Variants in MAMDC4 observed in about 807,000 individuals in gnomAD.
MAMDC4 encodes apical endosomal glycoprotein.
MAMDC4 carries 168 observed loss-of-function variants against 153.3 expected under a neutral mutation model. The ratio of observed to expected loss-of-function variants is 1.10; its 90% CI spans 0.97 to 1.25. MAMDC4 has a LOEUF of 1.25. Among genes scored for constraint, MAMDC4 ranks in the 50% most tolerant of loss-of-function variants. The pLI is 0.00. For synonymous variants in MAMDC4, 744 were observed against 651.5 expected (o/e 1.14, Z -2.16); for missense variants, 1,701 against 1,542.8 (o/e 1.10, Z -1.72).
intron 1 of MAMDC4, among the ~76,000 whole-genome samples, 181 bp from the exon 2 acceptor site, chr9:136,852,921 G>A (rs1435789443): frequency 2.0e-5 from 3 of 152,226 alleles, no homozygotes; most frequent in Non-Finnish European, 4.4e-5. Flanking sequence ...GGAACGTGCT[G>A]TGCTTGGTCC....
At chr9:136,859,535 C>G (rs1849056747) in intron 25 of MAMDC4, 1 of 600,254 alleles carries the variant, frequency 1.7e-6, no homozygotes, top group Non-Finnish European at 2.9e-6. Flanking sequence ...GGGGTGCAGC[C>G]TCTGGGGCCT....
intron 6 of MAMDC4, 21 bp from the exon 7 acceptor site, chr9:136,854,190 G>A (rs757454948): frequency 2.5e-6 from 4 of 1,611,824 alleles, no homozygotes; most frequent in African/African-American, 2.7e-5. Flanking sequence ...CTCGGTGAAG[G>A]GTTAACCCTG....
chr9:136,859,212 G>A lies in MAMDC4; in HGVS notation c.3088G>A (p.Val1030Met), dbSNP rs777845357. 20 of 1,610,742 alleles carry A rather than the reference G, an allele frequency of 1.2e-5. No individual in the cohort carries two copies. The highest frequency in any genetic ancestry group is 4.4e-5 in the South Asian group (4 of 90,834). Residue 1030 changes from valine to methionine, a missense_variant, in exon 25 of 27, where the codon GTG (valine) becomes ATG (methionine). Physicochemically the swap from Val to Met is conservative, Grantham distance 21 (BLOSUM62 1). Transcript: ENST00000317446. Reference sequence around the variant, plus strand: ...AACTCCTTTCCTTCTCCATCAGATCGTGTTTGAAGCCACTCTGGGCGGCCA... The same window carrying A: ...AACTCCTTTCCTTCTCCATCAGATCATGTTTGAAGCCACTCTGGGCGGCCA... ...EVASAKEFQI[V>M]FEATLGGQPA...
chr9:136,857,188 C>G lies in MAMDC4; in HGVS notation c.1996C>G (p.Arg666Gly). The G allele has an allele frequency of 6.2e-7, 1 of 1,612,346 alleles. No homozygotes were observed. The highest frequency in any genetic ancestry group is 8.5e-7 in the Non-Finnish European group (1 of 1,179,794). Residue 666 changes from arginine to glycine, a missense_variant, in exon 17 of 27, where the codon CGG becomes GGG. Arg to Gly is a moderately radical substitution (Grantham distance 125). Coordinates refer to ENST00000317446, the MANE Select transcript of MAMDC4 (RefSeq NM_206920.3). Reference sequence around the variant, plus strand: ...AGGGACTCTGCGCCTAGCCATGAGACGGGAAGGGGAGGAGACACACCTGTG... The same window carrying G: ...AGGGACTCTGCGCCTAGCCATGAGAGGGGAAGGGGAGGAGACACACCTGTG... Reference protein sequence around the residue: ...QIGTLRLAMRREGEETHLWSR... With the variant: ...QIGTLRLAMRGEGEETHLWSR...
At chr9:136,854,878 C>A (rs772344306) in intron 9 of MAMDC4, 28 bp downstream of exon 9, 1 of 1,612,696 alleles carries the variant, frequency 6.2e-7, no homozygotes, top group South Asian at 1.1e-5. Flanking sequence ...CACAGGGCCT[C>A]CCTGCTCTCC....
rs1848964069 is a variant in MAMDC4, at chr9:136,853,879, C to T, written c.557C>T (p.Thr186Ile). 1 of 1,612,536 alleles carries T rather than the reference C, an allele frequency of 6.2e-7. No homozygotes were observed. Among genetic ancestry groups the T allele is most frequent in the Non-Finnish European group, 8.5e-7 (1 of 1,179,852 alleles). ...WGPGWQELAV[T>I]TGRIRGDFRV... is the part of the protein sequence containing the mutation. ...CCTGGCTGGCAGGAGTTGGCAGTGACCACAGGCCGCATCCGGGGTGACTTC... is the reference window on the plus strand; with the variant it reads ...CCTGGCTGGCAGGAGTTGGCAGTGATCACAGGCCGCATCCGGGGTGACTTC... Residue 186 changes from threonine (T) to isoleucine (I), a missense_variant, in exon 5 of 27, where the codon ACC (threonine) becomes ATC (isoleucine). Transcript: ENST00000317446.
At chr9:136,854,388 T>TG (rs747513255) in intron 7 of MAMDC4, 52 bp downstream of exon 7, 29 of 1,495,080 alleles carry the variant, frequency 1.9e-5, no homozygotes, top group Non-Finnish European at 2.6e-5. Flanking sequence ...GACGCCTCGG[T>TG]GGGGGCCCTG....
chr9:136,856,307 C>T (rs1849003145), intron 14 of MAMDC4, 158 bp downstream of exon 14: 1 of 1,222,458 alleles, frequency 8.2e-7, no homozygotes, highest in Non-Finnish European at 1.2e-6. Flanking sequence ...GCTGGCATGG[C>T]AGGCCCTGAG....
At chr9:136,854,155 C>T (rs901586224) in intron 6 of MAMDC4, 56 bp from the exon 7 acceptor site, 11 of 1,611,348 alleles carry the variant, frequency 6.8e-6, no homozygotes, top group Non-Finnish European at 8.5e-6. Context: ...CTGTCTGCCC[C>T]CGAGTGCTCT....
rs1477169906 is a variant in MAMDC4, at chr9:136,853,227, G to A, written c.154+18G>A. The A allele has an allele frequency of 1.9e-6, 3 of 1,612,474 alleles. No homozygotes were observed. Among genetic ancestry groups the A allele is most frequent in the African/African-American group, 2.7e-5 (2 of 74,942 alleles). The stretch of plus-strand genomic sequence containing the variant: ...CCAGTGTGGTGAGCCAAGACCAGAT[G>A]GGCGGGCAGGGCCAGTGCGAGCAGG... On this transcript the variant is annotated intron_variant, in intron 2 of 26. Transcript: ENST00000317446.
chr9:136,854,903 G>A lies in MAMDC4; in HGVS notation c.1024-34G>A, dbSNP rs114590925. Reference sequence around the variant, plus strand: ...CCCTGCTCTCCGTGCTGGCTGCCCCGGTGCAGGCCCCCAGCCAGCTCTTGG... The same window carrying A: ...CCCTGCTCTCCGTGCTGGCTGCCCCAGTGCAGGCCCCCAGCCAGCTCTTGG... On this transcript the variant is annotated intron_variant, in intron 9 of 26. Transcript: ENST00000317446. The A allele has an allele frequency of 1.2e-3, 1,928 of 1,612,510 alleles. 16 individuals carry two copies. The African/African-American group carries it at 0.023, about 19-fold the overall frequency.
Position 136,856,055 on chromosome 9 carries a change from A to C in MAMDC4, c.1626A>C (p.Leu542=), listed in dbSNP as rs745511460. Residue 542 remains leucine, a synonymous_variant, in exon 14 of 27, where the codon CTA becomes CTC. Transcript: ENST00000317446. Reference sequence around the variant, plus strand: ...CTCTGCAGCGGGCCTGGGGGCAGCTAGGCGCTGAGGCCCGGGTCCTCACAC... The same window carrying C: ...CTCTGCAGCGGGCCTGGGGGCAGCTCGGCGCTGAGGCCCGGGTCCTCACAC... ...FLSLQRAWGQ[L]GAEARVLTPL... 55 of 1,612,264 alleles carry C rather than the reference A, an allele frequency of 3.4e-5. No individual in the cohort carries two copies. The highest frequency in any genetic ancestry group is 4.5e-5 in the Non-Finnish European group (53 of 1,179,838).
At position 136,854,616 on chromosome 9, in the gene MAMDC4, G is replaced by A. The variant is rs142114032; in HGVS notation, c.874G>A (p.Ala292Thr). The stretch of plus-strand genomic sequence containing the variant: ...GGAAGGCTGGTCCCGGAACCACCGC[G>A]CTGGTGGTCCTGAGCGCCCCTCCTG... Reference protein sequence around the residue: ...RSEGWSRNHRAGGPERPSWPR... With the variant: ...RSEGWSRNHRTGGPERPSWPR... Residue 292 changes from alanine to threonine, a missense_variant, in exon 8 of 27, where the codon GCT becomes ACT. Transcript: ENST00000317446. 6.2e-7 allele frequency: 1 copy of A among 1,607,646 alleles called. No individual in the cohort carries two copies. The highest frequency in any genetic ancestry group is 1.1e-5 in the South Asian group (1 of 90,376).
Position 136,860,625 on chromosome 9 carries a change from C to T in MAMDC4, c.*22C>T, listed in dbSNP as rs764801722. On this transcript the variant is annotated 3_prime_UTR_variant, in exon 27 of 27. Transcript: ENST00000317446. ...GTAGACCACCCCAGACAAGGCCCCG[C>T]TTCCTCACGTGACATCCAGCACTTG... 4.0e-5 allele frequency: 64 copies of T among 1,613,104 alleles called. No individual in the cohort carries two copies. The highest frequency in any genetic ancestry group is 4.4e-5 in the Non-Finnish European group (52 of 1,179,794).
Position 136,854,546 on chromosome 9 carries a change from C to T in MAMDC4, c.804C>T (p.His268=). ...GCCCACCTCCTGCCCTAGGCCGCCA[C>T]ATAGCCACCGACTTTGAGACAGGCC... The part of the protein sequence containing the change: ...SDENPLTCGR[H]IATDFETGLG... The change falls in exon 8 of 27, where the codon CAC becomes CAT. Residue 268 remains histidine, a synonymous_variant. Transcript: ENST00000317446. 6.2e-7 allele frequency: 1 copy of T among 1,605,264 alleles called. No homozygotes were observed. The highest frequency in any genetic ancestry group is 8.5e-7 in the Non-Finnish European group (1 of 1,176,948).
chr9:136,857,537 C>A lies in MAMDC4; in HGVS notation c.2277C>A (p.Gly759=). Residue 759 remains glycine (G), a synonymous_variant, in exon 18 of 27, where the codon GGC becomes GGA. Coordinates refer to ENST00000317446, the MANE Select transcript of MAMDC4 (RefSeq NM_206920.3). ...GGAGGCGGCAGGCCAATGCCTCGGG[C>A]CATGCTGCCTGGGGCCCCCCAACAG... is the stretch of plus-strand genomic sequence containing the variant. ...GLWRRQANAS[G]HAAWGPPTDH... 6.2e-7 allele frequency: 1 copy of A among 1,611,552 alleles called. No homozygotes were observed. The highest frequency in any genetic ancestry group is 8.5e-7 in the Non-Finnish European group (1 of 1,179,948).
At chr9:136,854,172 C>A in intron 6 of MAMDC4, 39 bp from the exon 7 acceptor site, 1 of 1,611,822 alleles carries the variant, frequency 6.2e-7, no homozygotes. Flanking sequence ...CTCTCCCACT[C>A]CTGGGGCCTC....
At position 136,860,560 on chromosome 9, in the gene MAMDC4, A is replaced by G. The variant is rs773245210; in HGVS notation, c.3373-2A>G. The stretch of plus-strand genomic sequence containing the variant: ...AAAAAAAGCTCCTCTTCCTCCTCCT[A>G]GGATGGTGTCACCCTCCCGGCATCT... On this transcript the variant is annotated splice_acceptor_variant, in intron 26 of 26. Coordinates refer to ENST00000317446, the MANE Select transcript of MAMDC4 (RefSeq NM_206920.3). LOFTEE classifies it high-confidence loss of function. 3.7e-5 allele frequency: 59 copies of G among 1,610,980 alleles called. 3 individuals carry two copies. The South Asian group carries it at 6.2e-4, about 17-fold the overall frequency.
chr9:136,857,571 A>T lies in MAMDC4; in HGVS notation c.2311A>T (p.Thr771Ser), dbSNP rs117487093. ...CTGGGGCCCCCCAACAGACCATACC[A>T]CTGAGACAGCCCAAGGTATGGGGGC... Reference protein sequence around the residue: ...AAWGPPTDHTTETAQGHYMVV... With the variant: ...AAWGPPTDHTSETAQGHYMVV... The change falls in exon 18 of 27, where the codon ACT (threonine) becomes TCT (serine). Residue 771 changes from threonine (T) to serine (S), a missense_variant. Transcript: ENST00000317446. 5.9e-3 allele frequency: 9,557 copies of T among 1,612,276 alleles called. 35 individuals are homozygous for T. The highest frequency in any genetic ancestry group is 7.2e-3 in the Non-Finnish European group (8,466 of 1,179,888).
Sources: allele counts gnomAD v4.1 joint callset (sites outside exome capture counted in the v4.1 genomes callset), GRCh38; gene constraint gnomAD v4.1.1; transcripts MANE v1.5; gene names NCBI Gene and HGNC (gene_info 2026-07-23, HGNC 2026-07-21).